NPL: variants seen among roughly 807,000 people sequenced by gnomAD.
NPL encodes the protein N-acetylneuraminate lyase.
A neutral mutation model predicts 41.1 loss-of-function variants in NPL; 32 were observed. The ratio of observed to expected loss-of-function variants is 0.78; its 90% CI spans 0.59 to 1.05. The LOEUF (loss-of-function observed/expected upper bound fraction) is 1.05, where lower values mean the gene tolerates loss of function less well. Among genes scored for constraint, NPL ranks in the 50% least tolerant of loss-of-function variants. The pLI is 0.00. For synonymous variants in NPL, 128 were observed against 134.9 expected (o/e 0.95, Z 0.35); for missense variants, 321 against 378.4 (o/e 0.85, Z 1.26).
At chr1:182,799,115 C>A (rs1280602938) in intron 3 of NPL, among the ~76,000 whole-genome samples, 1 of 152,080 alleles carries the variant, frequency 6.6e-6, no homozygotes, top group East Asian at 1.9e-4. Context: ...GGGATTTCTC[C>A]CTGAAAAGCC....
chr1:182,814,977 G>A (rs41268522), intron 7 of NPL, 119 bp downstream of exon 7: 31,232 of 781,098 alleles, frequency 0.04, 961 homozygotes, highest in African/African-American at 0.12. Flanking sequence ...GCTTGAAGTC[G>A]CAATGGTACA....
At chr1:182,821,470 G>T (rs1667484957) in intron 10 of NPL, among the ~76,000 whole-genome samples, 1 of 152,082 alleles carries the variant, frequency 6.6e-6, no homozygotes, top group Non-Finnish European at 1.5e-5. Flanking sequence ...ATGAAGCAAT[G>T]GAAAGCTTTC....
chr1:182,822,227 T>A lies in NPL; in HGVS notation c.738+28T>A, dbSNP rs1052182769. 2.0e-6 allele frequency: 3 copies of A among 1,470,768 alleles called. No individual in the cohort carries two copies. In the African/African-American group the frequency reaches 4.2e-5, roughly 20 times the overall value. The allele number at this position is 1,470,768 out of a possible 1,614,324, so 91.1% of individuals were successfully genotyped here. A position where few individuals can be genotyped will look rare whatever the true frequency, so the allele number is the denominator to read the frequency against. On this transcript the variant is annotated intron_variant, in intron 11 of 12. Coordinates refer to ENST00000367553, the MANE Select transcript of NPL (RefSeq NM_030769.3). ...AAACGTTTTCTTCTCTTCCCATAAA[T>A]CACAGCCTTTTTTCTTCCCCACTTG... is the stretch of plus-strand genomic sequence containing the variant.
chr1:182,814,902 T>C (rs1667280556), intron 7 of NPL, 44 bp downstream of exon 7: 1 of 1,447,142 alleles, frequency 6.9e-7, no homozygotes, highest in Non-Finnish European at 9.7e-7. Context: ...CATGGTCCAC[T>C]TCTTCTTGCC....
In NPL at chr1:182,818,810, T is replaced by G. The variant is rs774083359; in HGVS notation, c.607-3T>G. 2 of 1,614,118 alleles carry G rather than the reference T, an allele frequency of 1.2e-6. No individual in the cohort carries two copies. The highest frequency in any genetic ancestry group is 3.3e-5 in the Admixed American group (2 of 60,018). On this transcript the variant is annotated splice_region_variant and splice_polypyrimidine_tract_variant and intron_variant, in intron 9 of 12. Transcript: ENST00000367553. ...CAAGTGAATATTTTTTGTTTCTGATTAGCAACTGTTGAGTGCTCTGGTGAT... is the reference window on the plus strand; with the variant it reads ...CAAGTGAATATTTTTTGTTTCTGATGAGCAACTGTTGAGTGCTCTGGTGAT...
intron 6 of NPL, 84 bp downstream of exon 6, chr1:182,812,297 ATG>A: frequency 1.7e-6 from 2 of 1,168,628 alleles, no homozygotes; most frequent in Non-Finnish European, 1.3e-6. Context: ...TATATTTGCT[ATG>A]TAGTAGATGG....
At chr1:182,801,950 C>T (rs1303122132) in intron 3 of NPL, among the ~76,000 whole-genome samples, 4 of 152,226 alleles carry the variant, frequency 2.6e-5, no homozygotes, top group African/African-American at 9.6e-5. Flanking sequence ...TCTGAGCCCC[C>T]ATACAATTAC....
intron 1 of NPL, among the ~76,000 whole-genome samples, chr1:182,791,537 T>C (rs773935640): frequency 2.0e-5 from 3 of 152,144 alleles, no homozygotes; most frequent in Non-Finnish European, 4.4e-5. Flanking sequence ...CTGGTGTGGA[T>C]TGAAGAAGAG....
intron 5 of NPL, chr1:182,810,065 C>T (rs1274752845): frequency 6.6e-6 from 1 of 152,142 alleles, no homozygotes; most frequent in Non-Finnish European, 1.5e-5. Context: ...TCCTGTTTTA[C>T]CTAAGACATA....
intron 7 of NPL, among the ~76,000 whole-genome samples, chr1:182,815,444 G>C (rs1667296831): frequency 6.6e-6 from 1 of 152,016 alleles, no homozygotes; most frequent in Admixed American, 6.5e-5. Flanking sequence ...GACATTATTT[G>C]CCTACATGAT....
intron 5 of NPL, 127 bp from the exon 6 acceptor site, chr1:182,812,029 A>T: frequency 1.2e-6 from 1 of 848,148 alleles, no homozygotes; most frequent in South Asian, 1.4e-5. Context: ...ATATATTGCT[A>T]TAGAACTTAA....
chr1:182,828,449 T>G lies in NPL; in HGVS notation c.779-275T>G, dbSNP rs1230751952. Reference sequence around the variant, plus strand: ...TCTGACCTCTTTATTCCTGACACCTTTGGCTTCTCCTTCTTGGGTTTAAGA... The same window carrying G: ...TCTGACCTCTTTATTCCTGACACCTGTGGCTTCTCCTTCTTGGGTTTAAGA... On this transcript the variant is annotated intron_variant, in intron 12 of 12. Transcript: ENST00000367553. The surrounding 1 kb of genome is among the most constrained non-coding windows in gnomAD (Gnocchi z 4.0). Among the ~76,000 whole-genome samples, 1 of 152,202 alleles carries G rather than the reference T, an allele frequency of 6.6e-6. No homozygotes were observed. The highest frequency in any genetic ancestry group is 1.5e-5 in the Non-Finnish European group (1 of 68,034).
chr1:182,799,148 C>T (rs532377944), intron 3 of NPL, among the ~76,000 whole-genome samples: 1 of 152,292 alleles, frequency 6.6e-6, no homozygotes, highest in South Asian at 2.1e-4. Context: ...TTCTATTACC[C>T]TTTTACCGTA....
Position 182,828,681 on chromosome 1 carries a change from A to G in NPL, c.779-43A>G. The G allele has an allele frequency of 3.1e-6, 5 of 1,613,688 alleles. No individual in the cohort carries two copies. The highest frequency in any genetic ancestry group is 1.7e-5 in the Admixed American group (1 of 59,962). On this transcript the variant is annotated intron_variant, in intron 12 of 12. Coordinates refer to ENST00000367553, the MANE Select transcript of NPL (RefSeq NM_030769.3). The surrounding 1 kb of genome is among the most constrained non-coding windows in gnomAD (Gnocchi z 4.0). ...TTCTTTGGGATTTTTGTGGAGAGAT[A>G]GACGGTACCAGTCATGTTTCCTCAT...
At chr1:182,814,696 A>C in intron 6 of NPL, 87 bp from the exon 7 acceptor site, 10 of 1,097,654 alleles carry the variant, frequency 9.1e-6, no homozygotes, top group Non-Finnish European at 1.4e-5. Context: ...GCAAATTTGA[A>C]GAGCTTGTTA....
intron 11 of NPL, among the ~76,000 whole-genome samples, 170 bp from the exon 12 acceptor site, chr1:182,825,611 C>T (rs1486810476): frequency 6.6e-6 from 1 of 152,156 alleles, no homozygotes; most frequent in South Asian, 2.1e-4. Context: ...CTTACCTTAG[C>T]CTGGATGGAT....
At chr1:182,827,195 G>C (rs1667652526) in intron 12 of NPL, among the ~76,000 whole-genome samples, 1 of 152,180 alleles carries the variant, frequency 6.6e-6, no homozygotes, top group Non-Finnish European at 1.5e-5. Flanking sequence ...AGTTAACTTA[G>C]CAAAAGAAAG....
In NPL at chr1:182,812,290, A is replaced by T. The variant is rs1027641747; in HGVS notation, c.288+77A>T. On this transcript the variant is annotated intron_variant, in intron 6 of 12. Coordinates refer to ENST00000367553, the MANE Select transcript of NPL (RefSeq NM_030769.3). The stretch of plus-strand genomic sequence containing the variant: ...ATGCCGCAGTTAAAATCAGTACTAT[A>T]TTTGCTATGTAGTAGATGGTGTGCC... 107 of 1,269,952 alleles carry T rather than the reference A, an allele frequency of 8.4e-5. 1 individual carries two copies. In the South Asian group the frequency reaches 9.5e-4, roughly 11 times the overall value. 78.7% of individuals were successfully genotyped at this position (1,269,952 alleles called of 1,614,324 possible).
chr1:182,825,243 T>C (rs997217052), intron 11 of NPL, among the ~76,000 whole-genome samples: 2 of 152,238 alleles, frequency 1.3e-5, no homozygotes, highest in African/African-American at 4.8e-5. Flanking sequence ...TCTTTATTTT[T>C]TTTCAAAAGT....
Sources: allele counts gnomAD v4.1 joint callset (sites outside exome capture counted in the v4.1 genomes callset), GRCh38; gene constraint gnomAD v4.1.1; non-coding constraint Gnocchi (gnomAD v3.1); transcripts MANE v1.5; gene names NCBI Gene and HGNC (gene_info 2026-07-23, HGNC 2026-07-21).